Variants in SLC22A4 observed in about 807,000 individuals in gnomAD.
The protein encoded by SLC22A4 is solute carrier family 22 member 4.
In SLC22A4, 39 loss-of-function variants were observed where a neutral mutation model predicts 56.6. That is an observed-to-expected ratio of 0.69 (90% CI 0.53 to 0.90). SLC22A4 has a LOEUF of 0.90. Among genes scored for constraint, SLC22A4 ranks in the 40% least tolerant of loss-of-function variants. The probability of loss-of-function intolerance (pLI) is 0.00; values close to 1 mark genes in which losing one functional copy is unlikely to be tolerated. For missense variants in SLC22A4, 594 were observed against 696.5 expected, an observed-to-expected ratio of 0.85 and a Z score of 1.66; for synonymous variants, 241 against 281.4, an observed-to-expected ratio of 0.86 and a Z score of 1.44.
intron 7 of SLC22A4, 109 bp downstream of exon 7, chr5:132,335,041 T>G (rs1750980192): frequency 1.2e-6 from 1 of 807,788 alleles, no homozygotes; most frequent in Admixed American, 1.9e-5. Flanking sequence ...CATAAGCCAT[T>G]CATAAGTCAA....
chr5:132,308,007 G>A (rs1750081454), intron 1 of SLC22A4, among the ~76,000 whole-genome samples: 1 of 152,148 alleles, frequency 6.6e-6, no homozygotes, highest in South Asian at 2.1e-4. Flanking sequence ...CTAATTAATT[G>A]TTCAATATTC....
intron 1 of SLC22A4, among the ~76,000 whole-genome samples, chr5:132,306,411 A>G (rs1415637327): frequency 1.5e-5 from 1 of 66,640 alleles, no homozygotes; most frequent in African/African-American, 7.1e-5. Flanking sequence ...ATATATATAT[A>G]TATATATATA....
intron 8 of SLC22A4, among the ~76,000 whole-genome samples, chr5:132,338,397 A>G (rs1751090938): frequency 6.6e-6 from 1 of 152,198 alleles, no homozygotes; most frequent in Non-Finnish European, 1.5e-5. Context: ...GGCAAAATTA[A>G]AATTGCTAAT....
chr5:132,338,214 C>T (rs577682546), intron 8 of SLC22A4, among the ~76,000 whole-genome samples: 1 of 152,194 alleles, frequency 6.6e-6, no homozygotes, highest in African/African-American at 2.4e-5. Context: ...CACATATTGG[C>T]AGGTTCCATG....
At chr5:132,331,683 C>T in intron 5 of SLC22A4, 73 bp from the exon 6 acceptor site, 1 of 1,057,116 alleles carries the variant, frequency 9.5e-7, no homozygotes, top group Non-Finnish European at 1.5e-6. Context: ...TAAGTTTTCC[C>T]CATGCATCAT....
At chr5:132,332,312 T>TAA (rs879579219) in intron 6 of SLC22A4, 16 of 167,692 alleles carry the variant, frequency 9.5e-5, no homozygotes, top group East Asian at 2.9e-4. Context: ...AGACTCCATC[T>TAA]AAAAAAAAAA....
chr5:132,333,258 G>A lies in SLC22A4; in HGVS notation c.1046+1408G>A, dbSNP rs114676534. Reference sequence around the variant, plus strand: ...GGTTCAGTCACTCACAGCTTGCAGCGTCCAATTAACAAGAGCAAAGTCTGA... The same window carrying A: ...GGTTCAGTCACTCACAGCTTGCAGCATCCAATTAACAAGAGCAAAGTCTGA... On this transcript the variant is annotated intron_variant, in intron 6 of 9. Transcript: ENST00000200652. Among the ~76,000 whole-genome samples the A allele has an allele frequency of 5.5e-3, 841 of 152,322 alleles. 4 individuals are homozygous for A. Among genetic ancestry groups the A allele is most frequent in the East Asian group, 0.019 (100 of 5,190 alleles).
rs984512921 is a variant in SLC22A4, at chr5:132,335,007, T to A, written c.1261+75T>A. On this transcript the variant is annotated intron_variant, in intron 7 of 9. Transcript: ENST00000200652. ...GACTAGGCTGCTTCTGAGTCACTGC[T>A]CCATGTTTATTCAGCCTTTACATCA... The A allele has an allele frequency of 3.0e-6, 3 of 984,508 alleles. No individual in the cohort carries two copies. In the African/African-American group the frequency reaches 4.8e-5, roughly 16 times the overall value. 61.0% of individuals were successfully genotyped at this position (984,508 alleles called of 1,614,324 possible). A position where few individuals can be genotyped will look rare whatever the true frequency, so the allele number is the denominator to read the frequency against.
At chr5:132,329,008 A>G (rs781432303) in intron 5 of SLC22A4, among the ~76,000 whole-genome samples, 2 of 151,692 alleles carry the variant, frequency 1.3e-5, no homozygotes, top group African/African-American at 2.4e-5. Flanking sequence ...TTACAGCTCA[A>G]TGTAGCCTCG....
chr5:132,312,136 C>A, intron 1 of SLC22A4, 25 bp from the exon 2 acceptor site: 2 of 1,456,152 alleles, frequency 1.4e-6, no homozygotes, highest in Non-Finnish European at 1.9e-6. Context: ...GTTGGGCTCA[C>A]GCTTCATGCT....
chr5:132,297,674 G>GA lies in SLC22A4; in HGVS notation c.393+2675dup, dbSNP rs112170735. ...CCCTTAAAAATAGTTACTACAAAAA[G>GA]AAAAAAAAAACACCCAGAAATCCAC... On this transcript the variant is annotated intron_variant, in intron 1 of 9. Coordinates refer to ENST00000200652, the MANE Select transcript of SLC22A4 (RefSeq NM_003059.3). 2.0e-3 allele frequency among the ~76,000 whole-genome samples: 292 copies of GA among 146,332 alleles called. 2 individuals are homozygous for GA. Among genetic ancestry groups the GA allele is most frequent in the African/African-American group, 6.7e-3 (263 of 39,356 alleles).
At chr5:132,324,735 G>A in intron 4 of SLC22A4, 1 of 376,134 alleles carries the variant, frequency 2.7e-6, no homozygotes, top group Non-Finnish European at 5.5e-6. Context: ...TGCTCAGTAT[G>A]AGACAAGCTC....
At chr5:132,312,010 T>C (rs1488040630) in intron 1 of SLC22A4, 151 bp from the exon 2 acceptor site, 1 of 740,976 alleles carries the variant, frequency 1.3e-6, no homozygotes, top group Non-Finnish European at 2.5e-6. Context: ...AACCCAGGGC[T>C]GCAAGGCCTA....
Position 132,344,008 on chromosome 5 carries a change from C to T in SLC22A4, c.*173C>T. On this transcript the variant is annotated 3_prime_UTR_variant, in exon 10 of 10. Transcript: ENST00000200652. Reference sequence around the variant, plus strand: ...CTGGATGATTCTTCCAGATAATGTCCTTGCTTTACAAACCAACCATTTCTA... The same window carrying T: ...CTGGATGATTCTTCCAGATAATGTCTTTGCTTTACAAACCAACCATTTCTA... 1 of 592,124 alleles carries T rather than the reference C, an allele frequency of 1.7e-6. No homozygotes were observed. The highest frequency in any genetic ancestry group is 3.0e-6 in the Non-Finnish European group (1 of 329,382). The allele number at this position is 592,124 out of a possible 1,614,324, so 36.7% of individuals were successfully genotyped here.
intron 3 of SLC22A4, among the ~76,000 whole-genome samples, chr5:132,318,855 C>T (rs1237006646): frequency 6.6e-6 from 1 of 152,090 alleles, no homozygotes; most frequent in Non-Finnish European, 1.5e-5. Flanking sequence ...GCAGATAGAG[C>T]ATAGGGGGCC....
At chr5:132,307,615 G>C (rs1036937915) in intron 1 of SLC22A4, among the ~76,000 whole-genome samples, 1 of 152,192 alleles carries the variant, frequency 6.6e-6, no homozygotes. Flanking sequence ...GGCCTGTAAT[G>C]TGTCAGACGC....
chr5:132,309,962 T>C (rs1006907574), intron 1 of SLC22A4, among the ~76,000 whole-genome samples: 1 of 152,272 alleles, frequency 6.6e-6, no homozygotes, highest in Admixed American at 6.5e-5. Flanking sequence ...CAACTGCAGA[T>C]GGAATGATGA....
intron 1 of SLC22A4, among the ~76,000 whole-genome samples, chr5:132,304,772 C>T (rs1249074143): frequency 2.0e-5 from 3 of 151,494 alleles, no homozygotes; most frequent in South Asian, 4.2e-4. Context: ...GGGGGGAAAA[C>T]GTGGGCAACA....
rs149219155 is a variant in SLC22A4, at chr5:132,323,736, G to T, written c.824+1381G>T. 4.0e-3 allele frequency among the ~76,000 whole-genome samples: 609 copies of T among 152,244 alleles called. 3 individuals are homozygous for T. The highest frequency in any genetic ancestry group is 0.012 in the African/African-American group (483 of 41,524). On this transcript the variant is annotated intron_variant, in intron 4 of 9. Transcript: ENST00000200652. ...CTGTCCTTCTCTCCACAACTCCCTTGCTAGCTGAATTTATTGGAAAAGATG... is the reference window on the plus strand; with the variant it reads ...CTGTCCTTCTCTCCACAACTCCCTTTCTAGCTGAATTTATTGGAAAAGATG...
Sources: gnomAD v4.1 joint callset for allele counts (sites outside exome capture counted in the v4.1 genomes callset) on GRCh38, gnomAD v4.1.1 for gene constraint, MANE v1.5 for transcripts, NCBI Gene and HGNC (gene_info 2026-07-23, HGNC 2026-07-21) for gene names.